Variants in CSGALNACT1 observed in about 807,000 individuals in gnomAD.
CSGALNACT1 encodes beta4GalNAcT-1.
In CSGALNACT1, 52 loss-of-function variants were observed where a neutral mutation model predicts 51.0. That is an observed-to-expected ratio of 1.02 (90% CI 0.82 to 1.29). The LOEUF (loss-of-function observed/expected upper bound fraction) is 1.29. Ranked by LOEUF, CSGALNACT1 falls within the 50% of genes most tolerant of loss-of-function variation. The pLI is 0.00. For synonymous variants in CSGALNACT1, 341 were observed against 254.4 expected, an observed-to-expected ratio of 1.34 and a Z score of -3.24; for missense variants, 935 against 679.2, an observed-to-expected ratio of 1.38 and a Z score of -4.19.
chr8:19,670,895 C>T (rs1369247537), intron 1 of CSGALNACT1, among the ~76,000 whole-genome samples: 3 of 152,152 alleles, frequency 2.0e-5, no homozygotes, highest in Non-Finnish European at 4.4e-5. Flanking sequence ...CCAAGAACTG[C>T]ACTGTGTGCT....
intron 1 of CSGALNACT1, among the ~76,000 whole-genome samples, chr8:19,700,455 G>A (rs922778651): frequency 1.3e-5 from 2 of 152,090 alleles, no homozygotes; most frequent in Admixed American, 1.3e-4. Flanking sequence ...TGGTACTAAG[G>A]TGTTTTTATA....
intron 1 of CSGALNACT1, among the ~76,000 whole-genome samples, chr8:19,700,291 C>T (rs2061794318): frequency 6.6e-6 from 1 of 151,952 alleles, no homozygotes; most frequent in African/African-American, 2.4e-5. Context: ...CTAGACAGCA[C>T]TCACAGGTTT....
chr8:19,714,557 T>A (rs1343496605), intron 1 of CSGALNACT1, among the ~76,000 whole-genome samples: 1 of 152,170 alleles, frequency 6.6e-6, no homozygotes, highest in Admixed American at 6.5e-5. Flanking sequence ...TTCTTGTTTT[T>A]CCTTTTTAAA....
intron 4 of CSGALNACT1, among the ~76,000 whole-genome samples, chr8:19,503,164 T>C (rs529981880): frequency 6.6e-6 from 1 of 152,368 alleles, no homozygotes; most frequent in East Asian, 1.9e-4. Context: ...TATAAATATA[T>C]TTAAAGTATT....
chr8:19,756,226 T>TA lies in CSGALNACT1; in HGVS notation c.-297+1623dup, dbSNP rs1554478028. ...CAGAATTAAATTTAAATTTCCAGTT[T>TA]AAAAAAAAAAACCGTGAAAGAACAC... On this transcript the variant is annotated intron_variant, in intron 1 of 1. Transcript: ENST00000517494. Among the ~76,000 whole-genome samples the TA allele has an allele frequency of 2.7e-3, 398 of 149,560 alleles. 1 individual carries two copies. Among genetic ancestry groups the TA allele is most frequent in the African/African-American group, 5.3e-3 (217 of 40,752 alleles).
At chr8:19,411,833 CTTT>C (rs35593808) in intron 8 of CSGALNACT1, among the ~76,000 whole-genome samples, 77 of 135,564 alleles carry the variant, frequency 5.7e-4, no homozygotes, top group African/African-American at 7.3e-4. Context: ...CACTATCCTC[CTTT>C]TTTTTTTTTT....
rs540730215 is a variant in CSGALNACT1 at position 19,461,804 on chromosome 8, T to A, written c.635-3162A>T. Among the ~76,000 whole-genome samples the A allele has an allele frequency of 8.7e-3, 900 of 103,668 alleles. 247 individuals are homozygous for A. Among genetic ancestry groups the A allele is most frequent in the Admixed American group, 0.016 (139 of 8,932 alleles). The allele number at this position is 103,668 out of a possible 152,430, so 68.0% of individuals were successfully genotyped here. A position where few individuals can be genotyped will look rare whatever the true frequency, so the allele number is the denominator to read the frequency against. On this transcript the variant is annotated intron_variant, in intron 4 of 9. Transcript: ENST00000454498. ...AGCCACATTCACCATGGAGGGCGTA[T>A]CCCCACAGCAGCCACATTAGCCATG...
rs562010690 is a variant in CSGALNACT1, at chr8:19,452,562, C to A, written c.851+5864G>T. Among the ~76,000 whole-genome samples the A allele has an allele frequency of 5.9e-5, 9 of 152,252 alleles. No homozygotes were observed. The East Asian group carries it at 1.5e-3, about 26-fold the overall frequency. On this transcript the variant is annotated intron_variant, in intron 5 of 9. Coordinates refer to ENST00000454498, the Ensembl canonical transcript of CSGALNACT1. Reference sequence around the variant, plus strand: ...GCTGATGACATATATGCATCTCCCCCACATCCCACAGAAGCGATAGAAACA... The same window carrying A: ...GCTGATGACATATATGCATCTCCCCAACATCCCACAGAAGCGATAGAAACA...
chr8:19,593,841 C>G (rs1346334045), intron 2 of CSGALNACT1, among the ~76,000 whole-genome samples: 1 of 152,148 alleles, frequency 6.6e-6, no homozygotes, highest in Non-Finnish European at 1.5e-5. Flanking sequence ...TGGATGAGAG[C>G]CCACTTATTG....
intron 3 of CSGALNACT1, among the ~76,000 whole-genome samples, chr8:19,539,760 A>G (rs997204110): frequency 3.9e-5 from 6 of 152,176 alleles, no homozygotes; most frequent in African/African-American, 9.7e-5. Flanking sequence ...TGTTGGCCAC[A>G]TTGACTGTGA....
intron 1 of CSGALNACT1, among the ~76,000 whole-genome samples, chr8:19,724,059 G>T (rs1465909457): frequency 6.6e-6 from 1 of 152,110 alleles, no homozygotes; most frequent in African/African-American, 2.4e-5. Flanking sequence ...TAGAGATTTT[G>T]TATAAAATCT....
At chr8:19,529,467 C>G (rs1342394749) in intron 3 of CSGALNACT1, among the ~76,000 whole-genome samples, 1 of 152,198 alleles carries the variant, frequency 6.6e-6, no homozygotes, top group African/African-American at 2.4e-5. Flanking sequence ...CAAGAAGAAG[C>G]TCTTATCTCC....
At chr8:19,663,617 CT>C (rs2058949495) in intron 1 of CSGALNACT1, among the ~76,000 whole-genome samples, 1 of 152,174 alleles carries the variant, frequency 6.6e-6, no homozygotes, top group Non-Finnish European at 1.5e-5. Flanking sequence ...AATTCACATC[CT>C]GTACAAAGAT....
intron 1 of CSGALNACT1, among the ~76,000 whole-genome samples, chr8:19,657,478 C>A (rs966518152): frequency 9.2e-5 from 14 of 152,070 alleles, no homozygotes; most frequent in Non-Finnish European, 1.9e-4. Flanking sequence ...ACTCACCATA[C>A]CTAATATATC....
intron 1 of CSGALNACT1, among the ~76,000 whole-genome samples, chr8:19,707,775 T>C (rs1431524789): frequency 6.6e-6 from 1 of 152,136 alleles, no homozygotes; most frequent in East Asian, 1.9e-4. Flanking sequence ...CTGATGTGTG[T>C]GGATCACTTG....
intron 3 of CSGALNACT1, among the ~76,000 whole-genome samples, chr8:19,535,440 A>C (rs897277004): frequency 6.6e-6 from 1 of 152,228 alleles, no homozygotes; most frequent in Non-Finnish European, 1.5e-5. Context: ...GGATCTCTCT[A>C]TAAGGGGTGA....
chr8:19,618,007 CAG>C (rs2053267816), intron 1 of CSGALNACT1, among the ~76,000 whole-genome samples: 1 of 151,964 alleles, frequency 6.6e-6, no homozygotes, highest in African/African-American at 2.4e-5. Context: ...AGCCCCCAAG[CAG>C]CTAGGATTAC....
At chr8:19,604,480 T>C (rs1380057413), upstream of CSGALNACT1, among the ~76,000 whole-genome samples, 1 of 152,172 alleles carries the variant, frequency 6.6e-6, no homozygotes, top group Non-Finnish European at 1.5e-5. Flanking sequence ...CCTACTAGGC[T>C]CATACGTGGT....
intron 1 of CSGALNACT1, among the ~76,000 whole-genome samples, chr8:19,609,010 G>A (rs1470896869): frequency 1.3e-5 from 2 of 151,900 alleles, no homozygotes; most frequent in African/African-American, 4.8e-5. Context: ...AGTTTATTTT[G>A]TGTTATGCTC....
Sources: allele counts gnomAD v4.1 joint callset (sites outside exome capture counted in the v4.1 genomes callset), GRCh38; gene constraint gnomAD v4.1.1; transcripts MANE v1.5; gene names NCBI Gene and HGNC (gene_info 2026-07-23, HGNC 2026-07-21).